The following SH3RF2 variants were observed in gnomAD, a reference collection of about 807,000 sequenced individuals.
SH3RF2 encodes E3 ubiquitin-protein ligase SH3RF2.
A neutral mutation model predicts 59.0 loss-of-function variants in SH3RF2; 43 were observed. The observed-to-expected ratio is 0.73, with a 90% CI of 0.57 to 0.94. SH3RF2 has a LOEUF of 0.94. SH3RF2 is among the 40% of genes least tolerant of loss of function. The probability of loss-of-function intolerance (pLI) is 0.00; values close to 1 mark genes in which losing one functional copy is unlikely to be tolerated. For missense variants in SH3RF2, 930 were observed against 940.1 expected, an observed-to-expected ratio of 0.99 and a Z score of 0.14; for synonymous variants, 391 against 391.5, an observed-to-expected ratio of 1.00 and a Z score of 0.01.
chr5:146,027,463 C>T (rs1761569293), intron 5 of SH3RF2, among the ~76,000 whole-genome samples: 1 of 152,192 alleles, frequency 6.6e-6, no homozygotes, highest in African/African-American at 2.4e-5. Flanking sequence ...GAATGCCCAC[C>T]AGGCACTGAG....
At chr5:146,035,979 G>C (rs574503772) in intron 5 of SH3RF2, among the ~76,000 whole-genome samples, 5 of 152,176 alleles carry the variant, frequency 3.3e-5, no homozygotes, top group Non-Finnish European at 7.3e-5. Flanking sequence ...AGTAAATGCC[G>C]TGAGGAGAAC....
At chr5:146,056,568 C>T (rs536501824) in intron 8 of SH3RF2, among the ~76,000 whole-genome samples, 4 of 152,056 alleles carry the variant, frequency 2.6e-5, no homozygotes, top group African/African-American at 4.8e-5. Flanking sequence ...AATCCCTCAG[C>T]GGGTGCCACA....
chr5:146,034,869 G>A (rs1393880042), intron 5 of SH3RF2, among the ~76,000 whole-genome samples: 2 of 152,178 alleles, frequency 1.3e-5, no homozygotes, highest in Non-Finnish European at 1.5e-5. Flanking sequence ...AACTTTGGGA[G>A]GCCAAGGCAG....
intron 2 of SH3RF2, among the ~76,000 whole-genome samples, chr5:145,964,380 C>T (rs1367707032): frequency 4.7e-5 from 7 of 149,204 alleles, no homozygotes; most frequent in African/African-American, 7.4e-5. Context: ...CATCTCAGCT[C>T]GCTGCAACCT....
At chr5:146,051,869 G>T (rs980910704) in intron 7 of SH3RF2, among the ~76,000 whole-genome samples, 3 of 152,206 alleles carry the variant, frequency 2.0e-5, no homozygotes, top group African/African-American at 7.2e-5. Context: ...ATGACAACGA[G>T]CCAGAAGCTG....
At chr5:146,009,365 C>T (rs989397707) in intron 4 of SH3RF2, among the ~76,000 whole-genome samples, 1 of 152,144 alleles carries the variant, frequency 6.6e-6, no homozygotes. Flanking sequence ...TCACCTTCTC[C>T]TTACATGCTC....
intron 1 of SH3RF2, among the ~76,000 whole-genome samples, chr5:145,937,475 G>T (rs1262491687): frequency 6.6e-6 from 1 of 152,126 alleles, no homozygotes; most frequent in Non-Finnish European, 1.5e-5. Context: ...TGTAAGAATT[G>T]AGACTGTCCA....
intron 2 of SH3RF2, among the ~76,000 whole-genome samples, chr5:145,983,165 A>G (rs1208688369): frequency 6.6e-6 from 1 of 151,884 alleles, no homozygotes; most frequent in African/African-American, 2.4e-5. Flanking sequence ...TCTCTTCCCA[A>G]CTTCACATTC....
rs754484084 is a variant in SH3RF2, at chr5:145,937,985, C to T, written c.57C>T (p.Leu19=). The change falls in exon 2 of 10, where the codon CTC becomes CTT. Residue 19 remains leucine (L), a synonymous_variant. Coordinates refer to ENST00000359120, the MANE Select transcript of SH3RF2 (RefSeq NM_152550.4). ...LLECPVCFEK[L]DVTAKVLPCQ... ...AGTGCCCTGTGTGCTTTGAGAAGCT[C>T]GATGTCACAGCCAAAGTCCTCCCTT... 1.2e-6 allele frequency: 2 copies of T among 1,614,148 alleles called. No individual in the cohort carries two copies. Among genetic ancestry groups the T allele is most frequent in the Admixed American group, 1.7e-5 (1 of 60,024 alleles).
At chr5:146,073,241 C>A (rs1763273214) in intron 9 of SH3RF2, among the ~76,000 whole-genome samples, 1 of 152,228 alleles carries the variant, frequency 6.6e-6, no homozygotes, top group Admixed American at 6.5e-5. Context: ...AGTCTTTTCT[C>A]ATCTGGTGGT....
At chr5:146,059,764 G>A in intron 8 of SH3RF2, 102 bp from the exon 9 acceptor site, 4 of 787,710 alleles carry the variant, frequency 5.1e-6, no homozygotes, top group Non-Finnish European at 5.7e-6. Flanking sequence ...TTAGGAAAGC[G>A]CTTGTCTATT....
Position 145,964,122 on chromosome 5 carries a change from G to A in SH3RF2, c.378+25816G>A, listed in dbSNP as rs150264390. On this transcript the variant is annotated intron_variant, in intron 2 of 9. Coordinates refer to ENST00000359120, the MANE Select transcript of SH3RF2 (RefSeq NM_152550.4). ...GCTTGGATTACAGGTGTAAGCCACC[G>A]TGCCCGGCCTCTTCCTTTCTTTCCT... is the stretch of plus-strand genomic sequence containing the variant. 7.9e-3 allele frequency among the ~76,000 whole-genome samples: 1,203 copies of A among 151,638 alleles called. 6 individuals are homozygous for A. The highest frequency in any genetic ancestry group is 0.014 in the Middle Eastern group (4 of 292).
intron 7 of SH3RF2, among the ~76,000 whole-genome samples, chr5:146,052,372 T>C (rs925823995): frequency 6.6e-6 from 1 of 152,198 alleles, no homozygotes; most frequent in Non-Finnish European, 1.5e-5. Flanking sequence ...GGGCAAGTCA[T>C]GAGCATCTCT....
At chr5:145,974,986 T>C (rs6878361) in intron 2 of SH3RF2, among the ~76,000 whole-genome samples, 12,950 of 152,286 alleles carry the variant, frequency 0.085, 1,876 homozygotes, top group African/African-American at 0.29. Context: ...GAGTCTCATG[T>C]GTCTGAACTC....
At chr5:146,002,437 C>A (rs1036126097) in intron 3 of SH3RF2, among the ~76,000 whole-genome samples, 1 of 140,896 alleles carries the variant, frequency 7.1e-6, no homozygotes, top group Non-Finnish European at 1.5e-5. Flanking sequence ...GGCAACAGAG[C>A]GAGACTCCAT....
intron 7 of SH3RF2, among the ~76,000 whole-genome samples, chr5:146,055,372 T>C (rs1762630510): frequency 1.3e-5 from 2 of 152,304 alleles, no homozygotes; most frequent in East Asian, 1.9e-4. Flanking sequence ...AGAGGACTAT[T>C]GTAAAGAACC....
At chr5:145,964,272 TTTCCTTCCTTCCTTCC>T (rs35100856) in intron 2 of SH3RF2, among the ~76,000 whole-genome samples, 24 of 122,984 alleles carry the variant, frequency 2.0e-4, no homozygotes, top group Non-Finnish European at 3.9e-4. Context: ...TTTCCCTTCT[TTTCCTTCCTTCCTTCC>T]TTCCTTCCTT....
chr5:145,941,188 T>C (rs1054247342), intron 2 of SH3RF2, among the ~76,000 whole-genome samples: 3 of 152,186 alleles, frequency 2.0e-5, no homozygotes. Flanking sequence ...AAGCCCAAAG[T>C]CTGTTCTGCT....
intron 7 of SH3RF2, among the ~76,000 whole-genome samples, chr5:146,050,562 G>A (rs1388450824): frequency 6.6e-6 from 1 of 152,188 alleles, no homozygotes; most frequent in African/African-American, 2.4e-5. Context: ...ATATCCAAGG[G>A]CAAACTGAGG....
Sources: allele counts gnomAD v4.1 joint callset (sites outside exome capture counted in the v4.1 genomes callset), GRCh38; gene constraint gnomAD v4.1.1; transcripts MANE v1.5; gene names NCBI Gene and HGNC (gene_info 2026-07-23, HGNC 2026-07-21).